Variants in AK9 observed in about 807,000 individuals in gnomAD.
AK9 encodes adenylate kinase 9, also known as adenylate kinase domain containing 1.
Under a neutral mutation model 239.6 loss-of-function variants are expected in AK9, and 191 were observed. That is an observed-to-expected ratio of 0.80 (90% CI 0.71 to 0.90). The LOEUF is 0.90. AK9 is among the 40% of genes least tolerant of loss of function. AK9 has a pLI of 0.00. For missense variants in AK9, 1,995 were observed against 2,214.7 expected (o/e 0.90, Z 1.99); for synonymous variants, 689 against 721.0 (o/e 0.96, Z 0.71).
chr6:109,587,247 A>C (rs1258783139), intron 17 of AK9, among the ~76,000 whole-genome samples: 1 of 152,262 alleles, frequency 6.6e-6, no homozygotes, highest in Non-Finnish European at 1.5e-5. Flanking sequence ...TTAACCATTC[A>C]AATTTGAAAT....
At chr6:109,655,889 T>C (rs1385039044) in intron 8 of AK9, among the ~76,000 whole-genome samples, 1 of 152,138 alleles carries the variant, frequency 6.6e-6, no homozygotes, top group Non-Finnish European at 1.5e-5. Flanking sequence ...TGGGGAGGAA[T>C]AGAAGTCATA....
At chr6:109,660,330 G>T (rs551267148) in intron 6 of AK9, among the ~76,000 whole-genome samples, 87 of 152,292 alleles carry the variant, frequency 5.7e-4, no homozygotes, top group Non-Finnish European at 9.4e-4. Flanking sequence ...TATCTGAGGA[G>T]CTTGTTAAAT....
At chr6:109,661,297 C>A (rs1800382016) in intron 6 of AK9, among the ~76,000 whole-genome samples, 1 of 152,200 alleles carries the variant, frequency 6.6e-6, no homozygotes. Flanking sequence ...TAAGGTATTT[C>A]TCTCATTCTC....
intron 16 of AK9, among the ~76,000 whole-genome samples, chr6:109,611,568 CAT>C (rs144519874): frequency 0.043 from 6,487 of 152,216 alleles, 342 homozygotes; most frequent in African/African-American, 0.13. Flanking sequence ...TGTGTGTGCA[CAT>C]GTTTGTGTGT....
intron 2 of AK9, 58 bp from the exon 3 acceptor site, chr6:109,674,319 G>A (rs1483492192): frequency 2.9e-5 from 36 of 1,220,710 alleles, no homozygotes; most frequent in Non-Finnish European, 4.1e-5. Flanking sequence ...CAGTGACACA[G>A]ATACAGCAAT....
Position 109,651,487 on chromosome 6 carries a change from C to A in AK9, c.759+5269G>T, listed in dbSNP as rs201130985. Among the ~76,000 whole-genome samples the A allele has an allele frequency of 3.0e-4, 46 of 152,166 alleles. No homozygotes were observed. The East Asian group carries it at 7.2e-3, about 24-fold the overall frequency. On this transcript the variant is annotated intron_variant, in intron 8 of 40. Transcript: ENST00000424296. ...AGCAGGAACGATCTAAAATCGACAA[C>A]CTAACATCACAATGAAAAGAACTAG...
At chr6:109,590,051 CT>C (rs1006217140) in intron 17 of AK9, among the ~76,000 whole-genome samples, 3 of 151,958 alleles carry the variant, frequency 2.0e-5, no homozygotes, top group Non-Finnish European at 4.4e-5. Context: ...CCTTGTCTGG[CT>C]TTGGTATCAG....
intron 21 of AK9, among the ~76,000 whole-genome samples, chr6:109,568,756 A>C (rs2128189970): frequency 6.6e-6 from 1 of 152,342 alleles, no homozygotes; most frequent in African/African-American, 2.4e-5. Flanking sequence ...AGAACTACAA[A>C]CCACTGTTCA....
intron 27 of AK9, among the ~76,000 whole-genome samples, chr6:109,535,176 G>T (rs1044061159): frequency 6.6e-6 from 1 of 152,106 alleles, no homozygotes; most frequent in Non-Finnish European, 1.5e-5. Context: ...TTGAGGAATC[G>T]CCACACTGTC....
At chr6:109,563,744 T>G (rs1786084364) in intron 23 of AK9, 32 bp from the exon 24 acceptor site, 3 of 1,533,016 alleles carry the variant, frequency 2.0e-6, no homozygotes, top group Non-Finnish European at 2.6e-6. Flanking sequence ...GGGGAAAATA[T>G]TTTTAGTAAA....
chr6:109,560,571 C>T (rs1478944870), intron 24 of AK9, among the ~76,000 whole-genome samples: 3 of 152,064 alleles, frequency 2.0e-5, no homozygotes, highest in Non-Finnish European at 4.4e-5. Context: ...ACATTGATTG[C>T]TTTTCAAACG....
chr6:109,542,044 T>C lies in AK9; in HGVS notation c.3350+3A>G, dbSNP rs373531362. ...ATGTACAATTCTATATAAATTAAGA[T>C]ACCGTATTGGTTCCTTAAGCCACCA... is the stretch of plus-strand genomic sequence containing the variant. On this transcript the variant is annotated splice_donor_region_variant and intron_variant, in intron 27 of 40. Coordinates refer to ENST00000424296, the MANE Select transcript of AK9 (RefSeq NM_001145128.3). 5 of 1,569,702 alleles carry C rather than the reference T, an allele frequency of 3.2e-6. No individual in the cohort carries two copies. In the African/African-American group the frequency reaches 4.1e-5, roughly 13 times the overall value.
In AK9 at chr6:109,550,252, G is replaced by A. The variant is rs761196385; in HGVS notation, c.2802C>T (p.His934=). The A allele has an allele frequency of 1.2e-6, 2 of 1,612,876 alleles. No homozygotes were observed. The highest frequency in any genetic ancestry group is 1.7e-5 in the Admixed American group (1 of 60,012). Residue 934 remains histidine (H), a synonymous_variant, in exon 25 of 41, where the codon CAC becomes CAT. Transcript: ENST00000424296. ...ERKRHLGDTK[H]FCPVVLKENF... is the part of the protein sequence containing the mutation. ...TTTCTTTGAGGACCACCGGACAAAA[G>A]TGTTTTGTGTCTCCCAAATGCCTCT...
At chr6:109,528,769 G>C (rs759403792) in intron 29 of AK9, 1 of 602,714 alleles carries the variant, frequency 1.7e-6, no homozygotes, top group Non-Finnish European at 3.0e-6. Flanking sequence ...TTTTTATACA[G>C]ATGGAAATCA....
chr6:109,543,594 T>C (rs1412345539), intron 26 of AK9, among the ~76,000 whole-genome samples: 1 of 151,942 alleles, frequency 6.6e-6, no homozygotes, highest in African/African-American at 2.4e-5. Flanking sequence ...ATTACAGGCA[T>C]GTGTCACCAC....
chr6:109,648,520 A>G (rs1303229557), intron 8 of AK9, among the ~76,000 whole-genome samples: 1 of 152,136 alleles, frequency 6.6e-6, no homozygotes, highest in African/African-American at 2.4e-5. Context: ...CGACACATAC[A>G]CCCTCCCAAG....
intron 2 of AK9, 37 bp from the exon 3 acceptor site, chr6:109,674,298 C>T: frequency 1.4e-6 from 2 of 1,419,870 alleles, no homozygotes; most frequent in Non-Finnish European, 1.9e-6. Flanking sequence ...CCCAATAGAA[C>T]AGTTACTTGC....
At chr6:109,662,877 C>T in intron 5 of AK9, among the ~76,000 whole-genome samples, 1 of 151,832 alleles carries the variant, frequency 6.6e-6, no homozygotes, top group East Asian at 1.9e-4. Context: ...AATCACTGGA[C>T]TAGAAGAAGA....
intron 1 of AK9, among the ~76,000 whole-genome samples, chr6:109,679,534 A>T (rs1194420347): frequency 6.6e-6 from 1 of 152,138 alleles, no homozygotes; most frequent in Non-Finnish European, 1.5e-5. Context: ...CAGCTTCAGC[A>T]GACTTAAACA....
Sources: gnomAD v4.1 joint callset for allele counts (sites outside exome capture counted in the v4.1 genomes callset) on GRCh38, gnomAD v4.1.1 for gene constraint, MANE v1.5 for transcripts, NCBI Gene and HGNC (gene_info 2026-07-23, HGNC 2026-07-21) for gene names.